MARCHF1: variants seen among roughly 807,000 people sequenced by gnomAD.
The protein encoded by MARCHF1 is E3 ubiquitin-protein ligase MARCHF1.
In MARCHF1, 40 loss-of-function variants were observed where a neutral mutation model predicts 54.2. The ratio of observed to expected loss-of-function variants is 0.74; its 90% CI spans 0.57 to 0.96. The LOEUF (loss-of-function observed/expected upper bound fraction) is 0.96, where lower values mean the gene tolerates loss of function less well. MARCHF1 is among the 40% of genes least tolerant of loss of function. MARCHF1 has a pLI of 0.00. For synonymous variants in MARCHF1, 236 were observed against 236.3 expected, an observed-to-expected ratio of 1.00 and a Z score of 0.01; for missense variants, 586 against 656.5, an observed-to-expected ratio of 0.89 and a Z score of 1.17.
intron 4 of MARCHF1, among the ~76,000 whole-genome samples, chr4:163,783,822 G>A (rs910211015): frequency 6.6e-6 from 1 of 152,064 alleles, no homozygotes; most frequent in Non-Finnish European, 1.5e-5. Context: ...CTAAAAGCAG[G>A]TAGTAGCAGC....
intron 2 of MARCHF1, among the ~76,000 whole-genome samples, chr4:164,034,362 C>A (rs573522848): frequency 6.6e-6 from 1 of 152,060 alleles, no homozygotes; most frequent in Non-Finnish European, 1.5e-5. Flanking sequence ...AATGCTTACA[C>A]GCAGTTGGTG....
intron 3 of MARCHF1, among the ~76,000 whole-genome samples, chr4:163,895,194 T>C (rs1047888343): frequency 1.3e-5 from 2 of 152,208 alleles, no homozygotes; most frequent in Admixed American, 6.5e-5. Flanking sequence ...ATGGCTAGAA[T>C]GTTGGCAACT....
chr4:164,315,301 T>C (rs2111443415), intron 1 of MARCHF1, among the ~76,000 whole-genome samples: 1 of 145,410 alleles, frequency 6.9e-6, no homozygotes, highest in South Asian at 2.2e-4. Flanking sequence ...TTGTAGAAAA[T>C]GCAGAAGCAA....
intron 5 of MARCHF1, among the ~76,000 whole-genome samples, chr4:163,666,579 T>G (rs541022545): frequency 6.6e-6 from 1 of 152,288 alleles, no homozygotes; most frequent in African/African-American, 2.4e-5. Context: ...AGCTCATCCT[T>G]CTTGAGTTGA....
chr4:163,595,375 A>G (rs1740731812), intron 7 of MARCHF1, among the ~76,000 whole-genome samples: 1 of 151,376 alleles, frequency 6.6e-6, no homozygotes, highest in African/African-American at 2.4e-5. Context: ...AAATTAGCGG[A>G]GTGTGGTGTC....
chr4:163,631,215 G>T (rs1273023179), intron 5 of MARCHF1, among the ~76,000 whole-genome samples: 181 of 144,448 alleles, frequency 1.3e-3, no homozygotes, highest in Non-Finnish European at 4.5e-4. Context: ...TTTTTTTTTT[G>T]AGATGGAGTC....
intron 5 of MARCHF1, among the ~76,000 whole-genome samples, chr4:163,635,731 C>T (rs537589793): frequency 6.6e-6 from 1 of 152,018 alleles, no homozygotes; most frequent in Admixed American, 6.6e-5. Flanking sequence ...GGAATCCTCC[C>T]TAACTCATTT....
intron 1 of MARCHF1, among the ~76,000 whole-genome samples, chr4:164,237,890 T>TA (rs958367916): frequency 2.8e-4 from 42 of 151,820 alleles, no homozygotes; most frequent in African/African-American, 8.9e-4. Flanking sequence ...AACAAAATGC[T>TA]AAAAAAAATT....
At chr4:164,277,821 C>T (rs1301757817) in intron 1 of MARCHF1, among the ~76,000 whole-genome samples, 1 of 152,130 alleles carries the variant, frequency 6.6e-6, no homozygotes, top group East Asian at 1.9e-4. Context: ...ATCCAGTGCA[C>T]CATTTAGAAC....
chr4:164,383,104 G>T (rs1309857989), intron 1 of MARCHF1: 2 of 152,172 alleles, frequency 1.3e-5, no homozygotes, highest in Non-Finnish European at 2.9e-5. Context: ...GATAAAACTT[G>T]GGCGTCTCTC....
At chr4:163,807,156 G>A (rs145127617) in intron 4 of MARCHF1, among the ~76,000 whole-genome samples, 1 of 152,160 alleles carries the variant, frequency 6.6e-6, no homozygotes, top group Non-Finnish European at 1.5e-5. Flanking sequence ...TATAAAATTG[G>A]TGAAGAGGAG....
intron 4 of MARCHF1, among the ~76,000 whole-genome samples, chr4:163,768,548 T>C (rs900704162): frequency 1.2e-4 from 18 of 152,204 alleles, no homozygotes; most frequent in African/African-American, 4.1e-4. Flanking sequence ...TGAAAAGTCA[T>C]GATCAAAAAG....
intron 3 of MARCHF1, among the ~76,000 whole-genome samples, chr4:163,975,883 A>G (rs1752640065): frequency 6.6e-6 from 1 of 152,202 alleles, no homozygotes; most frequent in Non-Finnish European, 1.5e-5. Context: ...CAGGAAGCCC[A>G]TACAATGTTT....
At chr4:163,893,674 C>T (rs1750714113) in intron 3 of MARCHF1, among the ~76,000 whole-genome samples, 1 of 152,070 alleles carries the variant, frequency 6.6e-6, no homozygotes, top group South Asian at 2.1e-4. Flanking sequence ...TGTGAGAAAA[C>T]ATTAAAAAAT....
intron 1 of MARCHF1, among the ~76,000 whole-genome samples, chr4:164,322,895 T>C (rs958482401): frequency 5.3e-5 from 8 of 151,876 alleles, no homozygotes; most frequent in African/African-American, 1.9e-4. Flanking sequence ...GTCCATAAAC[T>C]TGAAGATACC....
At position 164,236,680 on chromosome 4, in the gene MARCHF1, G is replaced by A. The variant is rs1205221408; in HGVS notation, c.-322-125018C>T. ...CACATGTCTGCAAATGACCACACAA[G>A]TGCCAAGGGTATTGATTTTGGGGTT... is the stretch of plus-strand genomic sequence containing the variant. On this transcript the variant is annotated intron_variant, in intron 1 of 9. Coordinates refer to ENST00000514618, the MANE Select transcript of MARCHF1 (RefSeq NM_001394959.1). Among the ~76,000 whole-genome samples the A allele has an allele frequency of 2.6e-5, 4 of 152,104 alleles. No individual in the cohort carries two copies. In the East Asian group the frequency reaches 5.8e-4, roughly 22 times the overall value.
At chr4:163,631,161 T>C (rs1236447726) in intron 5 of MARCHF1, among the ~76,000 whole-genome samples, 1 of 152,144 alleles carries the variant, frequency 6.6e-6, no homozygotes, top group African/African-American at 2.4e-5. Flanking sequence ...TAAAATATAT[T>C]TATGAAGATT....
chr4:163,635,660 G>T (rs993166991), intron 5 of MARCHF1, among the ~76,000 whole-genome samples: 61 of 150,554 alleles, frequency 4.1e-4, no homozygotes, highest in African/African-American at 1.4e-3. Context: ...AATTCTACCA[G>T]AGGTACAAGG....
intron 1 of MARCHF1, among the ~76,000 whole-genome samples, chr4:164,359,556 A>C (rs972542765): frequency 6.6e-6 from 1 of 152,122 alleles, no homozygotes; most frequent in African/African-American, 2.4e-5. Flanking sequence ...TCCATACTCT[A>C]TATAGGAAAG....
Sources: gnomAD v4.1 joint callset for allele counts (sites outside exome capture counted in the v4.1 genomes callset) on GRCh38, gnomAD v4.1.1 for gene constraint, MANE v1.5 for transcripts, NCBI Gene and HGNC (gene_info 2026-07-23, HGNC 2026-07-21) for gene names.